The following HSPD1 variants were observed in gnomAD, a reference collection of about 807,000 sequenced individuals.
The protein encoded by HSPD1 is 60 kDa heat shock protein, mitochondrial.
HSPD1 carries 3 observed loss-of-function variants against 53.0 expected under a neutral mutation model. That is an observed-to-expected ratio of 0.06 (90% CI 0.03 to 0.15). The LOEUF (loss-of-function observed/expected upper bound fraction) is 0.15, where lower values mean the gene tolerates loss of function less well. HSPD1 is among the 10% of genes least tolerant of loss of function. The probability of loss-of-function intolerance (pLI) is 1.00; values close to 1 mark genes in which losing one functional copy is unlikely to be tolerated. For synonymous variants in HSPD1, 200 were observed against 228.0 expected, an observed-to-expected ratio of 0.88 and a Z score of 1.10; for missense variants, 431 against 694.1, an observed-to-expected ratio of 0.62 and a Z score of 4.26.
In HSPD1 at chr2:197,498,736, G is replaced by A; in HGVS notation, c.113C>T (p.Ala38Val). The change falls in exon 2 of 12, where the codon GCC becomes GTC. Residue 38 changes from alanine (A) to valine (V), a missense_variant. By Grantham distance (64) the Ala-to-Val change is moderately conservative. Around this residue, in one of 2 missense-constraint regions of HSPD1, gnomAD observed 386 missense variants for 657.6 expected, o/e 0.59. Transcript: ENST00000388968. The stretch of plus-strand genomic sequence containing the variant: ...AAGGTCTACACCTTGAAGCATTAAG[G>A]CTCGGGCATCTGCACCAAATTTTAC... ...KDVKFGADAR[A>V]LMLQGVDLLA... The A allele has an allele frequency of 6.2e-7, 1 of 1,614,148 alleles. No homozygotes were observed. Among genetic ancestry groups the A allele is most frequent in the Admixed American group, 1.7e-5 (1 of 60,012 alleles).
intron 1 of HSPD1, among the ~76,000 whole-genome samples, 152 bp downstream of exon 1, chr2:197,499,630 G>A (rs549842826): frequency 2.0e-3 from 305 of 152,230 alleles, no homozygotes; most frequent in Non-Finnish European, 3.8e-3. Context: ...ATGGACCCGC[G>A]AGGCCTGGAC....
intron 8 of HSPD1, 24 bp from the exon 9 acceptor site, chr2:197,489,271 C>A (rs1394261034): frequency 6.2e-7 from 1 of 1,613,726 alleles, no homozygotes; most frequent in Middle Eastern, 1.6e-4. Flanking sequence ...TAAACGTAAA[C>A]CTGTTGTAGG....
Position 197,488,342 on chromosome 2 carries a change from A to G in HSPD1, c.1365T>C (p.Thr455=), listed in dbSNP as rs764412738. The G allele has an allele frequency of 1.2e-6, 2 of 1,613,986 alleles. No homozygotes were observed. The highest frequency in any genetic ancestry group is 3.3e-5 in the Admixed American group (2 of 60,014). Residue 455 remains threonine (T), a synonymous_variant, in exon 10 of 12, where the codon ACT becomes ACC. Coordinates refer to ENST00000388968, the MANE Select transcript of HSPD1 (RefSeq NM_002156.5). ...LRCIPALDSL[T]PANEDQKIGI... ...CAATTTTTTGATCTTCATTAGCTGG[A>G]GTCAATGAGTCCAAGGCTGGAATGC...
upstream of HSPD1, chr2:197,500,153 C>T: frequency 1.8e-6 from 1 of 540,670 alleles, no homozygotes; most frequent in East Asian, 3.0e-5. Flanking sequence ...AGGGGTAGTT[C>T]TTTCACCTCG....
At chr2:197,490,458 T>G (rs907688298) in intron 7 of HSPD1, 162 bp from the exon 8 acceptor site, 7 of 633,756 alleles carry the variant, frequency 1.1e-5, no homozygotes, top group Non-Finnish European at 2.0e-5. Context: ...TTTGATCAAA[T>G]TAAGACAGGA....
intron 7 of HSPD1, among the ~76,000 whole-genome samples, chr2:197,491,303 T>C (rs2106073567): frequency 6.6e-6 from 1 of 151,238 alleles, no homozygotes; most frequent in African/African-American, 2.4e-5. Context: ...TTCTCCTGCC[T>C]CAGCCCGCCA....
chr2:197,488,072 A>G (rs1250218494), intron 10 of HSPD1, 36 bp from the exon 11 acceptor site: 2 of 1,368,882 alleles, frequency 1.5e-6, no homozygotes, highest in Admixed American at 1.9e-5. Context: ...TAATACTTTC[A>G]TTTGTAAATA....
chr2:197,496,786 T>G, intron 3 of HSPD1: 1 of 305,402 alleles, frequency 3.3e-6, no homozygotes, highest in Admixed American at 4.7e-5. Flanking sequence ...AACTAAAAAT[T>G]AGCCAGGAAT....
chr2:197,495,999 G>C (rs980289473), intron 3 of HSPD1, among the ~76,000 whole-genome samples: 7 of 152,076 alleles, frequency 4.6e-5, no homozygotes, highest in African/African-American at 1.7e-4. Flanking sequence ...TAGGGTCCAC[G>C]ACACTTCTCA....
At chr2:197,498,955 T>C in intron 1 of HSPD1, 105 bp from the exon 2 acceptor site, 1 of 1,018,716 alleles carries the variant, frequency 9.8e-7, no homozygotes, top group Non-Finnish European at 1.5e-6. Flanking sequence ...ATGCTGAGCC[T>C]GGCTGACCTC....
At chr2:197,499,241 G>C (rs1037612784) in intron 1 of HSPD1, 1 of 329,366 alleles carries the variant, frequency 3.0e-6, no homozygotes, top group African/African-American at 2.2e-5. Flanking sequence ...GACCAGGGAA[G>C]TTAAAAGTAT....
Position 197,494,728 on chromosome 2 carries a change from C to T in HSPD1, c.535G>A (p.Asp179Asn), listed in dbSNP as rs368757915. The T allele has an allele frequency of 6.2e-6, 10 of 1,612,846 alleles. No homozygotes were observed. In the African/African-American group the frequency reaches 1.3e-4, roughly 22 times the overall value. ...AQVATISANG[D>N]KEIGNIISDA... Reference sequence around the variant, plus strand: ...GAGATGATATTGCCAATTTCTTTGTCTCCGTTTGCAGAAATCGTAGCAACC... The same window carrying T: ...GAGATGATATTGCCAATTTCTTTGTTTCCGTTTGCAGAAATCGTAGCAACC... The change falls in exon 5 of 12, where the codon GAC (aspartate) becomes AAC (asparagine). Residue 179 changes from aspartate (D) to asparagine (N), a missense_variant. By Grantham distance (23) the Asp-to-Asn change is conservative. Coordinates refer to ENST00000388968, the MANE Select transcript of HSPD1 (RefSeq NM_002156.5).
At chr2:197,489,281 G>T (rs1303440686) in intron 8 of HSPD1, 34 bp from the exon 9 acceptor site, 1 of 1,612,772 alleles carries the variant, frequency 6.2e-7, no homozygotes, top group South Asian at 1.1e-5. Context: ...CCTGTTGTAG[G>T]TTACAGTTTC....
chr2:197,486,950 T>C lies in HSPD1; in HGVS notation c.*96A>G. 1 of 1,094,642 alleles carries C rather than the reference T, an allele frequency of 9.1e-7. No homozygotes were observed. The highest frequency in any genetic ancestry group is 1.4e-6 in the Non-Finnish European group (1 of 709,798). The allele number at this position is 1,094,642 out of a possible 1,614,324, so 67.8% of individuals were successfully genotyped here. A position where few individuals can be genotyped will look rare whatever the true frequency, so the allele number is the denominator to read the frequency against. On this transcript the variant is annotated 3_prime_UTR_variant, in exon 12 of 12. Coordinates refer to ENST00000388968, the MANE Select transcript of HSPD1 (RefSeq NM_002156.5). ...ATTTTCAGCCAGCCTTTTTCTTCAT[T>C]TTCTCCAACTGACTTCTCTGAAGTT...
chr2:197,495,562 C>T (rs769360039), intron 3 of HSPD1, among the ~76,000 whole-genome samples, 186 bp from the exon 4 acceptor site: 65 of 151,996 alleles, frequency 4.3e-4, no homozygotes, highest in Admixed American at 7.9e-4. Context: ...TCATGGCTCA[C>T]TGCAGCCCTG....
In HSPD1 at chr2:197,488,442, G is replaced by A; in HGVS notation, c.1265C>T (p.Thr422Ile). ...AGCTCTTGTAGCATTAAGGGCATCT[G>A]TAACTCTGTCTTTCTTTTCATTCAC... The part of the protein sequence containing the change: ...VEVNEKKDRV[T>I]DALNATRAAV... Residue 422 changes from threonine (T) to isoleucine (I), a missense_variant, in exon 10 of 12, where the codon ACA (threonine) becomes ATA (isoleucine). By Grantham distance (89) the Thr-to-Ile change is moderately conservative. Coordinates refer to ENST00000388968, the MANE Select transcript of HSPD1 (RefSeq NM_002156.5). 1 of 1,613,852 alleles carries A rather than the reference G, an allele frequency of 6.2e-7. No homozygotes were observed. The highest frequency in any genetic ancestry group is 1.1e-5 in the South Asian group (1 of 91,074).
At chr2:197,500,036 C>T (rs1337860355), upstream of HSPD1, 2 of 195,542 alleles carry the variant, frequency 1.0e-5, no homozygotes, top group Non-Finnish European at 2.1e-5. Flanking sequence ...CCCTCTCCGG[C>T]CGGCTTAGTC....
chr2:197,497,284 C>T lies in HSPD1; in HGVS notation c.283G>A (p.Ala95Thr). 1 of 1,613,970 alleles carries T rather than the reference C, an allele frequency of 6.2e-7. No homozygotes were observed. Among genetic ancestry groups the T allele is most frequent in the South Asian group, 1.1e-5 (1 of 91,078 alleles). Reference protein sequence around the residue: ...DLKDKYKNIGAKLVQDVANNT... With the variant: ...DLKDKYKNIGTKLVQDVANNT... The stretch of plus-strand genomic sequence containing the variant: ...TTGGCAACATCTTGAACAAGTTTAG[C>T]TCCAATGTTTTTGTATTTATCTTTT... The change falls in exon 3 of 12, where the codon GCT becomes ACT. Residue 95 changes from alanine (A) to threonine (T), a missense_variant. Around this residue, in one of 2 missense-constraint regions of HSPD1, gnomAD observed 386 missense variants for 657.6 expected, o/e 0.59. Coordinates refer to ENST00000388968, the MANE Select transcript of HSPD1 (RefSeq NM_002156.5).
intron 5 of HSPD1, 44 bp from the exon 6 acceptor site, chr2:197,494,294 C>G: frequency 2.1e-6 from 2 of 960,238 alleles, no homozygotes; most frequent in East Asian, 4.8e-5. Context: ...TCATTGAACA[C>G]AAAACATGGA....
Sources: allele counts gnomAD v4.1 joint callset (sites outside exome capture counted in the v4.1 genomes callset), GRCh38; gene constraint gnomAD v4.1.1; regional missense constraint gnomAD v4.1.1; transcripts MANE v1.5; gene names NCBI Gene and HGNC (gene_info 2026-07-23, HGNC 2026-07-21).